XRCC5: variants seen among roughly 807,000 people sequenced by gnomAD.
XRCC5 encodes DNA repair protein Ku80.
In XRCC5, 12 loss-of-function variants were observed where a neutral mutation model predicts 95.7. That is an observed-to-expected ratio of 0.13 (90% CI 0.08 to 0.20). The LOEUF (loss-of-function observed/expected upper bound fraction) is 0.20, where lower values mean the gene tolerates loss of function less well. XRCC5 is among the 10% of genes least tolerant of loss of function. XRCC5 has a pLI of 1.00. For synonymous variants in XRCC5, 281 were observed against 290.3 expected, an observed-to-expected ratio of 0.97 and a Z score of 0.33; for missense variants, 595 against 873.9, an observed-to-expected ratio of 0.68 and a Z score of 4.02.
chr2:216,195,399 TTC>T lies in XRCC5; in HGVS notation c.2109+425_2109+426del, dbSNP rs1218755888. On this transcript the variant is annotated intron_variant, in intron 19 of 20. Transcript: ENST00000392132. ...TCTTTTCTTTTCTTTTCTCTTTCTT[TTC>T]TCTCTCTCTCTGTTTCTTTCTTTCT... is the stretch of plus-strand genomic sequence containing the variant. Among the ~76,000 whole-genome samples the T allele has an allele frequency of 5.3e-5, 8 of 150,804 alleles. No homozygotes were observed. The East Asian group carries it at 1.4e-3, about 25-fold the overall frequency.
intron 3 of XRCC5, chr2:216,117,131 C>T (rs1240282677): frequency 5.5e-6 from 2 of 360,556 alleles, no homozygotes; most frequent in Non-Finnish European, 1.0e-5. Context: ...TGAGCATTGA[C>T]TATATGCAGA....
At chr2:216,117,910 A>G in intron 4 of XRCC5, 116 bp downstream of exon 4, 1 of 1,110,620 alleles carries the variant, frequency 9.0e-7, no homozygotes, top group East Asian at 2.6e-5. Context: ...TTGTGTGACA[A>G]GAGAAACATT....
intron 14 of XRCC5, among the ~76,000 whole-genome samples, chr2:216,150,971 T>C (rs1239102155): frequency 6.6e-6 from 1 of 152,212 alleles, no homozygotes; most frequent in African/African-American, 2.4e-5. Flanking sequence ...GCGATAAGAA[T>C]TTTTCAGTTT....
At chr2:216,141,368 G>C (rs765643600) in intron 13 of XRCC5, 49 bp downstream of exon 13, 6 of 1,608,880 alleles carry the variant, frequency 3.7e-6, no homozygotes, top group Non-Finnish European at 5.1e-6. Flanking sequence ...ATGAAAGAGA[G>C]CTAAGTGCAA....
chr2:216,119,009 A>G (rs1481058642), intron 4 of XRCC5, 34 bp from the exon 5 acceptor site: 1 of 1,605,146 alleles, frequency 6.2e-7, no homozygotes, highest in East Asian at 2.2e-5. Flanking sequence ...AATTCAGGAG[A>G]ATGATTTCTT....
chr2:216,165,675 G>T (rs1574474317), intron 16 of XRCC5, among the ~76,000 whole-genome samples: 1 of 152,090 alleles, frequency 6.6e-6, no homozygotes, highest in Non-Finnish European at 1.5e-5. Flanking sequence ...GTCCAGAGTC[G>T]GGAGACAGGA....
At chr2:216,135,499 G>A (rs1183898883) in intron 10 of XRCC5, among the ~76,000 whole-genome samples, 1 of 152,080 alleles carries the variant, frequency 6.6e-6, no homozygotes, top group East Asian at 1.9e-4. Flanking sequence ...ACAGTATAGA[G>A]GTAGAATTGG....
At chr2:216,166,553 G>A (rs41301726) in intron 16 of XRCC5, among the ~76,000 whole-genome samples, 2,152 of 152,188 alleles carry the variant, frequency 0.014, 50 homozygotes, top group African/African-American at 0.049. Flanking sequence ...TGTCGTTGTG[G>A]GTTTCAGAGT....
chr2:216,132,473 T>A, intron 10 of XRCC5, 86 bp downstream of exon 10: 2 of 1,328,246 alleles, frequency 1.5e-6, no homozygotes, highest in Non-Finnish European at 1.1e-6. Context: ...TTTTATAGTT[T>A]AAAATGACAT....
At chr2:216,127,139 C>G (rs41299790) in intron 7 of XRCC5, among the ~76,000 whole-genome samples, 2,069 of 152,178 alleles carry the variant, frequency 0.014, 53 homozygotes, top group African/African-American at 0.048. Flanking sequence ...ACTTGGGTGT[C>G]TGAGGCATGA....
chr2:216,169,791 A>G (rs1169969725), intron 16 of XRCC5, among the ~76,000 whole-genome samples: 1 of 151,584 alleles, frequency 6.6e-6, no homozygotes, highest in African/African-American at 2.4e-5. Flanking sequence ...CATGGCTATA[A>G]TCCCAGCACT....
At chr2:216,178,598 C>T (rs1349376280) in intron 16 of XRCC5, among the ~76,000 whole-genome samples, 1 of 152,170 alleles carries the variant, frequency 6.6e-6, no homozygotes, top group African/African-American at 2.4e-5. Context: ...AATAATAAAA[C>T]GTCAAGATGT....
chr2:216,162,752 T>C (rs924843816), intron 16 of XRCC5, among the ~76,000 whole-genome samples: 4 of 152,214 alleles, frequency 2.6e-5, no homozygotes, highest in African/African-American at 9.6e-5. Context: ...TTGTGGCCCA[T>C]TTATAGTAGA....
chr2:216,126,666 TATAAA>T (rs1455518864), intron 7 of XRCC5, among the ~76,000 whole-genome samples: 2 of 152,168 alleles, frequency 1.3e-5, no homozygotes, highest in African/African-American at 4.8e-5. Context: ...ATTTTAGACA[TATAAA>T]ATAAATATAC....
chr2:216,127,750 A>G (rs773720949), intron 8 of XRCC5, 76 bp downstream of exon 8: 126 of 1,435,218 alleles, frequency 8.8e-5, no homozygotes, highest in Middle Eastern at 1.8e-4. Flanking sequence ...TGGGGTTTGT[A>G]TTATTCTTTG....
intron 16 of XRCC5, among the ~76,000 whole-genome samples, chr2:216,169,120 G>A (rs1363376653): frequency 5.3e-5 from 8 of 152,260 alleles, no homozygotes; most frequent in Non-Finnish European, 1.0e-4. Flanking sequence ...CCCAGAGACA[G>A]GCACTATGAA....
At chr2:216,151,936 A>G (rs547265261) in intron 14 of XRCC5, among the ~76,000 whole-genome samples, 185 of 152,342 alleles carry the variant, frequency 1.2e-3, no homozygotes, top group Non-Finnish European at 2.0e-3. Context: ...CAATCATGGC[A>G]GAAGGCGAGG....
intron 13 of XRCC5, among the ~76,000 whole-genome samples, chr2:216,142,495 G>T (rs1033856922): frequency 1.3e-5 from 2 of 152,152 alleles, no homozygotes; most frequent in South Asian, 4.1e-4. Flanking sequence ...TTATGCTGAG[G>T]AAGGGGAGGG....
chr2:216,174,519 A>G (rs766829655), intron 16 of XRCC5, among the ~76,000 whole-genome samples: 9 of 152,264 alleles, frequency 5.9e-5, no homozygotes, highest in Non-Finnish European at 1.0e-4. Flanking sequence ...AAATATTGAA[A>G]AGTTGAAAGT....
Sources: gnomAD v4.1 joint callset for allele counts (sites outside exome capture counted in the v4.1 genomes callset) on GRCh38, gnomAD v4.1.1 for gene constraint, MANE v1.5 for transcripts, NCBI Gene and HGNC (gene_info 2026-07-23, HGNC 2026-07-21) for gene names.